GSK3B: variants seen among roughly 807,000 people sequenced by gnomAD.
GSK3B encodes glycogen synthase kinase-3 beta.
GSK3B carries 15 observed loss-of-function variants against 56.4 expected under a neutral mutation model. The ratio of observed to expected loss-of-function variants is 0.27; its 90% CI spans 0.18 to 0.41. The LOEUF (loss-of-function observed/expected upper bound fraction) is 0.41. Among genes scored for constraint, GSK3B ranks in the 10% least tolerant of loss-of-function variants. The pLI is 1.00. For missense variants in GSK3B, 300 were observed against 513.4 expected (o/e 0.58, Z 4.02); for synonymous variants, 181 against 188.9 (o/e 0.96, Z 0.34).
chr3:120,007,304 A>C (rs1262579532), intron 1 of GSK3B, among the ~76,000 whole-genome samples: 1 of 152,108 alleles, frequency 6.6e-6, no homozygotes, highest in African/African-American at 2.4e-5. Flanking sequence ...GGACCAGACA[A>C]ATTCACAGCC....
intron 10 of GSK3B, among the ~76,000 whole-genome samples, chr3:119,839,158 A>C (rs138217997): frequency 9.5e-4 from 144 of 152,334 alleles, no homozygotes; most frequent in African/African-American, 3.4e-3. Context: ...TGGGTATGAA[A>C]ATGTCTATTT....
chr3:119,941,840 C>G, intron 3 of GSK3B, among the ~76,000 whole-genome samples: 1 of 152,180 alleles, frequency 6.6e-6, no homozygotes, highest in East Asian at 1.9e-4. Context: ...TGCCCAGAGT[C>G]ATACTACTAT....
intron 1 of GSK3B, among the ~76,000 whole-genome samples, chr3:120,046,608 T>A (rs1018177611): frequency 1.2e-4 from 19 of 152,044 alleles, no homozygotes; most frequent in African/African-American, 3.4e-4. Flanking sequence ...AATTTAATTT[T>A]ATTTATTTAT....
intron 1 of GSK3B, chr3:120,029,285 G>C: frequency 1.3e-6 from 1 of 741,204 alleles, no homozygotes; most frequent in Non-Finnish European, 2.5e-6. Context: ...TCTGTTTATA[G>C]AGAGTACCTT....
intron 1 of GSK3B, among the ~76,000 whole-genome samples, chr3:120,082,222 ATGAAG>A (rs915816197): frequency 6.6e-6 from 1 of 152,086 alleles, no homozygotes; most frequent in African/African-American, 2.4e-5. Flanking sequence ...GCATAAATCA[ATGAAG>A]TGTTTTTAAA....
chr3:120,040,690 G>C (rs984247562), intron 1 of GSK3B, among the ~76,000 whole-genome samples: 3 of 151,978 alleles, frequency 2.0e-5, no homozygotes, highest in African/African-American at 7.3e-5. Flanking sequence ...CTTGTTAAAA[G>C]ACCTAGCCCC....
intron 3 of GSK3B, among the ~76,000 whole-genome samples, chr3:119,936,651 G>C (rs902048216): frequency 6.6e-6 from 1 of 151,432 alleles, no homozygotes; most frequent in African/African-American, 2.4e-5. Context: ...CCTAGCCTTG[G>C]GTATCGTATG....
chr3:119,993,635 T>A (rs1362542320), intron 2 of GSK3B, among the ~76,000 whole-genome samples: 1 of 152,272 alleles, frequency 6.6e-6, no homozygotes, highest in South Asian at 2.1e-4. Flanking sequence ...AGTAAATATA[T>A]TGTGGATAAC....
intron 1 of GSK3B, among the ~76,000 whole-genome samples, chr3:120,045,151 T>C (rs2058092632): frequency 6.6e-6 from 1 of 152,354 alleles, no homozygotes; most frequent in Middle Eastern, 3.4e-3. Flanking sequence ...AGTAAGCTTT[T>C]CCTTTTAAAG....
At chr3:119,980,713 TAAA>T (rs2057452522) in intron 2 of GSK3B, among the ~76,000 whole-genome samples, 1 of 152,222 alleles carries the variant, frequency 6.6e-6, no homozygotes, top group Non-Finnish European at 1.5e-5. Context: ...AGCTGTATCT[TAAA>T]CTATTTAGTA....
chr3:120,048,022 T>C (rs1425050316), intron 1 of GSK3B, among the ~76,000 whole-genome samples: 1 of 152,236 alleles, frequency 6.6e-6, no homozygotes, highest in African/African-American at 2.4e-5. Context: ...ACCACAATTG[T>C]TAATACACTT....
chr3:119,881,871 A>C (rs566720088), intron 7 of GSK3B, among the ~76,000 whole-genome samples: 1 of 152,314 alleles, frequency 6.6e-6, no homozygotes, highest in East Asian at 1.9e-4. Flanking sequence ...TAAGTCTCAC[A>C]AGATCTGATG....
chr3:119,955,730 T>G (rs1038908952), intron 2 of GSK3B, among the ~76,000 whole-genome samples: 2 of 152,136 alleles, frequency 1.3e-5, no homozygotes, highest in African/African-American at 4.8e-5. Context: ...CTCAAATCAC[T>G]GCAACCTCCG....
chr3:120,026,444 G>T (rs968571795), intron 1 of GSK3B, among the ~76,000 whole-genome samples: 11 of 150,918 alleles, frequency 7.3e-5, no homozygotes, highest in African/African-American at 2.4e-4. Flanking sequence ...CCGCAAGGGG[G>T]TCTGCAAATC....
chr3:119,969,812 C>T (rs73175870), intron 2 of GSK3B, among the ~76,000 whole-genome samples: 12,992 of 152,262 alleles, frequency 0.085, 685 homozygotes, highest in Non-Finnish European at 0.11. Flanking sequence ...TCCACAATTT[C>T]AGTTAACCAC....
chr3:120,029,009 T>G, intron 1 of GSK3B: 1 of 623,608 alleles, frequency 1.6e-6, no homozygotes, highest in Non-Finnish European at 2.9e-6. Flanking sequence ...TATCCTTCTT[T>G]GTATCCTATA....
chr3:120,075,380 G>A (rs932347719), intron 1 of GSK3B, among the ~76,000 whole-genome samples: 7 of 152,028 alleles, frequency 4.6e-5, no homozygotes, highest in Non-Finnish European at 7.4e-5. Flanking sequence ...TGCTGGAAGA[G>A]CTTGTCTAAA....
chr3:119,921,260 G>A (rs563028147), intron 4 of GSK3B, among the ~76,000 whole-genome samples: 3 of 152,144 alleles, frequency 2.0e-5, no homozygotes, highest in African/African-American at 7.2e-5. Context: ...ATATCTCAGG[G>A]CACAAATAGT....
chr3:120,068,236 C>T (rs146591776), intron 1 of GSK3B, among the ~76,000 whole-genome samples: 310 of 151,664 alleles, frequency 2.0e-3, no homozygotes, highest in Non-Finnish European at 1.9e-3. Context: ...ACTAAAAATA[C>T]AAAAATTAGC....
Sources: allele counts gnomAD v4.1 joint callset (sites outside exome capture counted in the v4.1 genomes callset), GRCh38; gene constraint gnomAD v4.1.1; transcripts MANE v1.5; gene names NCBI Gene and HGNC (gene_info 2026-07-23, HGNC 2026-07-21).